DAAM2: variants seen among roughly 807,000 people sequenced by gnomAD.
DAAM2 encodes disheveled-associated activator of morphogenesis 2.
Under a neutral mutation model 120.7 loss-of-function variants are expected in DAAM2, and 39 were observed. That is an observed-to-expected ratio of 0.32 (90% CI 0.25 to 0.42). DAAM2 has a LOEUF of 0.42. Among genes scored for constraint, DAAM2 ranks in the 10% least tolerant of loss-of-function variants. The pLI is 1.00. For missense variants in DAAM2, 1,283 were observed against 1,401.7 expected (o/e 0.92, Z 1.35); for synonymous variants, 488 against 524.9 (o/e 0.93, Z 0.96).
chr6:39,867,834 C>T lies in DAAM2; in HGVS notation c.753C>T (p.Thr251=). The T allele has an allele frequency of 6.3e-7, 1 of 1,585,588 alleles. No homozygotes were observed. The highest frequency in any genetic ancestry group is 8.6e-7 in the Non-Finnish European group (1 of 1,167,034). Residue 251 remains threonine (T), a synonymous_variant, in exon 6 of 25, where the codon ACC becomes ACT. Coordinates refer to ENST00000274867, the MANE Select transcript of DAAM2 (RefSeq NM_001201427.2). ...LHYQVYAAER[T]RFQTLLNELD... ...ACCAGGTGTATGCAGCAGAGCGAACCCGCTTCCAGGTGAGGGGCCAGGCTG... is the reference window on the plus strand; with the variant it reads ...ACCAGGTGTATGCAGCAGAGCGAACTCGCTTCCAGGTGAGGGGCCAGGCTG...
chr6:39,900,516 A>C (rs982996830), intron 23 of DAAM2, among the ~76,000 whole-genome samples: 1 of 152,222 alleles, frequency 6.6e-6, no homozygotes, highest in African/African-American at 2.4e-5. Context: ...GATGCTAAGT[A>C]ACTTGCCCAA....
chr6:39,881,586 G>A (rs778394397), intron 14 of DAAM2, among the ~76,000 whole-genome samples: 14 of 152,026 alleles, frequency 9.2e-5, no homozygotes, highest in East Asian at 3.9e-4. Flanking sequence ...GTGTGGTGGC[G>A]CACGCCTGTA....
intron 1 of DAAM2, chr6:39,793,065 A>T (rs1287942499): frequency 6.6e-6 from 1 of 152,194 alleles, no homozygotes; most frequent in Non-Finnish European, 1.5e-5. Context: ...TGCGGTCGCA[A>T]ACCAACCTCA....
rs912030781 is a variant in DAAM2 at position 39,904,134 on chromosome 6, G to C, written c.*2097G>C. On this transcript the variant is annotated 3_prime_UTR_variant, in exon 25 of 25. Transcript: ENST00000274867. ...CATTCCCACCCACCATGGAAGACTG[G>C]ATACGCACCTGGAAACAAAAGGACT... The C allele has an allele frequency of 2.2e-6, 1 of 453,522 alleles. No individual in the cohort carries two copies. Among genetic ancestry groups the C allele is most frequent in the African/African-American group, 2.0e-5 (1 of 49,860 alleles). 28.1% of individuals were successfully genotyped at this position (453,522 alleles called of 1,614,324 possible). A position where few individuals can be genotyped will look rare whatever the true frequency, so the allele number is the denominator to read the frequency against.
intron 1 of DAAM2, among the ~76,000 whole-genome samples, chr6:39,829,620 A>C (rs1412939979): frequency 1.3e-5 from 2 of 152,190 alleles, no homozygotes; most frequent in Non-Finnish European, 2.9e-5. Context: ...ACAAAAAAGC[A>C]ACATGTCCCT....
chr6:39,811,174 A>AGTGTGTGTGTGTGTGTGT (rs59432565), intron 1 of DAAM2, among the ~76,000 whole-genome samples: 67 of 146,558 alleles, frequency 4.6e-4, no homozygotes, highest in African/African-American at 1.7e-3. Flanking sequence ...AACTGAAGGG[A>AGTGTGTGTGTGTGTGTGT]GTGTGTGTGT....
intron 1 of DAAM2, among the ~76,000 whole-genome samples, chr6:39,837,598 G>C (rs185968372): frequency 8.7e-4 from 129 of 149,008 alleles, no homozygotes; most frequent in African/African-American, 3.0e-3. Flanking sequence ...GGGAGGCAGA[G>C]GTTGTGGTGA....
At chr6:39,886,496 C>G in intron 15 of DAAM2, 1 of 399,362 alleles carries the variant, frequency 2.5e-6, no homozygotes, top group Non-Finnish European at 4.4e-6. Context: ...ACTGCTGTCC[C>G]GGGCTGCTGC....
At chr6:39,837,663 C>CAAAAAAAAAAAAAAAAA (rs758751293) in intron 1 of DAAM2, among the ~76,000 whole-genome samples, 25 of 41,160 alleles carry the variant, frequency 6.1e-4, no homozygotes, top group African/African-American at 1.1e-3. Context: ...AACTCCATCT[C>CAAAAAAAAAAAAAAAAA]AAAAAAAAAA....
chr6:39,811,174 AGTGTGTGTGTGTGTGT>A (rs59432565), intron 1 of DAAM2, among the ~76,000 whole-genome samples: 48,738 of 146,500 alleles, frequency 0.33, 8,751 homozygotes, highest in Non-Finnish European at 0.42. Flanking sequence ...AACTGAAGGG[AGTGTGTGTGTGTGTGT>A]GTGTGTGTGT....
chr6:39,794,191 CAGG>C lies in DAAM2; in HGVS notation c.-57+1729_-57+1731del, dbSNP rs573024364. ...CAATGTAAACAAGGGTGCATGTAAA[CAGG>C]AGTGACTGGTCCCCATGAGATGCAC... On this transcript the variant is annotated intron_variant, in intron 1 of 24. Coordinates refer to ENST00000274867, the MANE Select transcript of DAAM2 (RefSeq NM_001201427.2). Among the ~76,000 whole-genome samples the C allele has an allele frequency of 2.9e-3, 434 of 152,258 alleles. 3 individuals carry two copies. The highest frequency in any genetic ancestry group is 9.6e-3 in the African/African-American group (398 of 41,554).
chr6:39,821,027 C>A (rs1015564003), intron 1 of DAAM2: 1 of 152,276 alleles, frequency 6.6e-6, no homozygotes, highest in Non-Finnish European at 1.5e-5. Context: ...GCTTGTCATA[C>A]CACAGGATGA....
intron 6 of DAAM2, chr6:39,868,141 ATCT>A: frequency 7.5e-6 from 3 of 400,406 alleles, no homozygotes; most frequent in Admixed American, 3.8e-5. Flanking sequence ...GTGGCTCTGC[ATCT>A]CCAACCTCAA....
At position 39,856,306 on chromosome 6, in the gene DAAM2, GC is replaced by G; in HGVS notation, c.10del (p.Arg4AlafsTer122). The G allele has an allele frequency of 8.5e-6, 13 of 1,528,968 alleles. No individual in the cohort carries two copies. Among genetic ancestry groups the G allele is most frequent in the Admixed American group, 8.2e-5 (4 of 48,812 alleles). The allele number at this position is 1,528,968 out of a possible 1,614,324, so 94.7% of individuals were successfully genotyped here. On this transcript the variant is annotated frameshift_variant, in exon 2 of 25. Transcript: ENST00000274867. LOFTEE classifies it high-confidence loss of function. The part of the protein sequence containing the change: M[A>X]PRKRSHHGLG... ...CGCCCCCTGGCCTGCAGTGACCATG[GC>G]CCCCCGCAAGAGGAGCCACCATGGC... is the stretch of plus-strand genomic sequence containing the variant.
In DAAM2 at chr6:39,878,725, A is replaced by C. The variant is rs1447657430; in HGVS notation, c.1545+137A>C. 1 of 879,926 alleles carries C rather than the reference A, an allele frequency of 1.1e-6. No homozygotes were observed. Among genetic ancestry groups the C allele is most frequent in the Non-Finnish European group, 1.7e-6 (1 of 579,038 alleles). 54.5% of individuals were successfully genotyped at this position (879,926 alleles called of 1,614,324 possible). ...AGATGGAGACCTTGGGCCAGGATAG[A>C]AGAGACCCTTGAGGCTGTACAGGTG... On this transcript the variant is annotated intron_variant, in intron 13 of 24. Coordinates refer to ENST00000274867, the MANE Select transcript of DAAM2 (RefSeq NM_001201427.2). This position sits in a 1 kb window ranked among gnomAD's most constrained non-coding sequence, Gnocchi z 5.0.
At chr6:39,815,304 C>T (rs1377088894) in intron 1 of DAAM2, among the ~76,000 whole-genome samples, 1 of 152,120 alleles carries the variant, frequency 6.6e-6, no homozygotes, top group Non-Finnish European at 1.5e-5. Context: ...TTATTAACTA[C>T]CCCTAGGTGA....
At chr6:39,804,258 C>A (rs1041280) in intron 1 of DAAM2, among the ~76,000 whole-genome samples, 131,771 of 152,124 alleles carry the variant, frequency 0.87, 58,873 homozygotes, top group Non-Finnish European at 0.99. Context: ...TGTTGAGACT[C>A]TTCTGTTAAC....
intron 15 of DAAM2, chr6:39,885,238 G>A (rs1765323770): frequency 6.6e-6 from 1 of 152,260 alleles, no homozygotes. Context: ...TAATTTAAAT[G>A]TGGGTGCCCA....
chr6:39,878,615 A>G lies in DAAM2; in HGVS notation c.1545+27A>G. Reference sequence around the variant, plus strand: ...TATGCAAGCATCTCCCCCTTTACATAGTTGAGCCAAGACCCTGGGCTTCAG... The same window carrying G: ...TATGCAAGCATCTCCCCCTTTACATGGTTGAGCCAAGACCCTGGGCTTCAG... On this transcript the variant is annotated intron_variant, in intron 13 of 24. Transcript: ENST00000274867. This position sits in a 1 kb window ranked among gnomAD's most constrained non-coding sequence, Gnocchi z 5.0. 6.3e-7 allele frequency: 1 copy of G among 1,578,316 alleles called. No homozygotes were observed. The highest frequency in any genetic ancestry group is 8.6e-7 in the Non-Finnish European group (1 of 1,162,720).
Sources: gnomAD v4.1 joint callset for allele counts (sites outside exome capture counted in the v4.1 genomes callset) on GRCh38, gnomAD v4.1.1 for gene constraint, Gnocchi (gnomAD v3.1) non-coding constraint, MANE v1.5 for transcripts, NCBI Gene and HGNC (gene_info 2026-07-23, HGNC 2026-07-21) for gene names.